Variants in MAPK8 observed in about 807,000 individuals in gnomAD.
The protein encoded by MAPK8 is mitogen-activated protein kinase 8, also known as JUN N-terminal kinase.
A neutral mutation model predicts 52.9 loss-of-function variants in MAPK8; 13 were observed. The ratio of observed to expected loss-of-function variants is 0.25; its 90% confidence interval spans 0.16 to 0.39. The LOEUF is 0.39. Ranked by LOEUF, MAPK8 falls within the 10% of genes least tolerant of loss-of-function variation. MAPK8 has a pLI of 1.00. For synonymous variants in MAPK8, 191 were observed against 169.8 expected (o/e 1.12, Z -0.97); for missense variants, 300 against 519.2 (o/e 0.58, Z 4.10).
At chr10:48,405,811 A>G (rs1340883781) in intron 3 of MAPK8, among the ~76,000 whole-genome samples, 2 of 152,230 alleles carry the variant, frequency 1.3e-5, no homozygotes, top group African/African-American at 2.4e-5. Context: ...TTCTGACTAC[A>G]GATAATACAA....
intron 1 of MAPK8, among the ~76,000 whole-genome samples, chr10:48,313,154 C>T (rs904026930): frequency 6.6e-6 from 1 of 152,146 alleles, no homozygotes; most frequent in African/African-American, 2.4e-5. Flanking sequence ...AGACATAGGC[C>T]AGGCGCGGTG....
At chr10:48,361,901 A>G (rs1251217062) in intron 1 of MAPK8, among the ~76,000 whole-genome samples, 2 of 152,226 alleles carry the variant, frequency 1.3e-5, no homozygotes, top group Non-Finnish European at 2.9e-5. Flanking sequence ...TGCAGACTGA[A>G]ATTTCTTGAG....
At chr10:48,383,930 A>C (rs1170598398) in intron 1 of MAPK8, among the ~76,000 whole-genome samples, 2 of 152,234 alleles carry the variant, frequency 1.3e-5, no homozygotes, top group African/African-American at 2.4e-5. Flanking sequence ...GCTGAAATCC[A>C]AGGAAGAAGG....
At chr10:48,315,003 C>T (rs1037929005) in intron 1 of MAPK8, among the ~76,000 whole-genome samples, 2 of 152,164 alleles carry the variant, frequency 1.3e-5, no homozygotes, top group Non-Finnish European at 2.9e-5. Context: ...AAAATTTCCA[C>T]GTGTATTTGG....
chr10:48,316,457 G>A (rs1236710248), intron 1 of MAPK8, among the ~76,000 whole-genome samples: 1 of 152,224 alleles, frequency 6.6e-6, no homozygotes, highest in Non-Finnish European at 1.5e-5. Flanking sequence ...CCGTCCTTAA[G>A]CAAGGTGTGA....
At chr10:48,345,027 G>T (rs1181651390) in intron 1 of MAPK8, among the ~76,000 whole-genome samples, 1 of 152,154 alleles carries the variant, frequency 6.6e-6, no homozygotes, top group Non-Finnish European at 1.5e-5. Context: ...GCTTGAAAAA[G>T]ATTGTGCAAT....
chr10:48,357,166 G>A (rs1348621436), intron 1 of MAPK8, among the ~76,000 whole-genome samples: 1 of 152,128 alleles, frequency 6.6e-6, no homozygotes, highest in Non-Finnish European at 1.5e-5. Flanking sequence ...CTCATTAACT[G>A]ATAGAACAAG....
At chr10:48,376,924 T>A (rs1293855186) in intron 1 of MAPK8, among the ~76,000 whole-genome samples, 5 of 152,226 alleles carry the variant, frequency 3.3e-5, no homozygotes, top group African/African-American at 1.2e-4. Flanking sequence ...ACATGTATGT[T>A]TATTGTGTCA....
intron 1 of MAPK8, among the ~76,000 whole-genome samples, chr10:48,316,368 T>C (rs141748438): frequency 3.0e-4 from 45 of 152,328 alleles, no homozygotes; most frequent in African/African-American, 1.1e-3. Flanking sequence ...TGTTGTACTA[T>C]CTAGGTTGGT....
intron 1 of MAPK8, among the ~76,000 whole-genome samples, chr10:48,379,137 TTA>T (rs2040840670): frequency 6.6e-6 from 1 of 152,204 alleles, no homozygotes; most frequent in African/African-American, 2.4e-5. Context: ...AAGCCAGGGA[TTA>T]ACCATCAGCC....
chr10:48,410,873 C>T (rs979681061), intron 5 of MAPK8, among the ~76,000 whole-genome samples: 1 of 152,142 alleles, frequency 6.6e-6, no homozygotes, highest in African/African-American at 2.4e-5. Context: ...ATCTCCCTAA[C>T]GACTAATAAT....
intron 6 of MAPK8, among the ~76,000 whole-genome samples, chr10:48,421,997 T>TTTATC (rs2043386662): frequency 7.4e-6 from 1 of 135,938 alleles, no homozygotes. Context: ...TCACACTCAT[T>TTTATC]TTATTTATCT....
In MAPK8 at chr10:48,425,876, A is replaced by G; in HGVS notation, c.689-12A>G. 4 of 1,419,178 alleles carry G rather than the reference A, an allele frequency of 2.8e-6. No individual in the cohort carries two copies. The highest frequency in any genetic ancestry group is 3.9e-6 in the Non-Finnish European group (4 of 1,029,604). The allele number at this position is 1,419,178 out of a possible 1,614,324, so 87.9% of individuals were successfully genotyped here. A position where few individuals can be genotyped will look rare whatever the true frequency, so the allele number is the denominator to read the frequency against. Reference sequence around the variant, plus strand: ...TAGTTATGGAGTATTTTTCTTAGCTACTTGATATTAGATATTGATCAGTGG... The same window carrying G: ...TAGTTATGGAGTATTTTTCTTAGCTGCTTGATATTAGATATTGATCAGTGG... On this transcript the variant is annotated splice_polypyrimidine_tract_variant and intron_variant, in intron 7 of 11. Transcript: ENST00000374189.
At chr10:48,362,212 CT>C (rs1847597708) in intron 1 of MAPK8, among the ~76,000 whole-genome samples, 1 of 152,134 alleles carries the variant, frequency 6.6e-6, no homozygotes, top group Non-Finnish European at 1.5e-5. Context: ...TATTCATTCC[CT>C]TCACCATATC....
At chr10:48,414,614 T>A in intron 5 of MAPK8, among the ~76,000 whole-genome samples, 1 of 142,042 alleles carries the variant, frequency 7.0e-6, no homozygotes, top group Non-Finnish European at 1.5e-5. Context: ...TCTCTGTCTG[T>A]CACCCAGGCA....
intron 1 of MAPK8, among the ~76,000 whole-genome samples, chr10:48,368,253 A>G (rs1221407570): frequency 1.3e-5 from 2 of 152,340 alleles, no homozygotes; most frequent in Admixed American, 6.5e-5. Context: ...TTTTAGTCCA[A>G]TGGGAAGCAC....
chr10:48,337,769 T>C (rs187285511), intron 1 of MAPK8, among the ~76,000 whole-genome samples: 1 of 152,232 alleles, frequency 6.6e-6, no homozygotes, highest in East Asian at 1.9e-4. Context: ...AAGATGTCAT[T>C]ACAGTGGATA....
chr10:48,361,557 A>T (rs914825793), intron 1 of MAPK8, among the ~76,000 whole-genome samples: 1 of 152,204 alleles, frequency 6.6e-6, no homozygotes, highest in Non-Finnish European at 1.5e-5. Flanking sequence ...ACTTTTAAAA[A>T]AGGAAATGTA....
chr10:48,388,428 C>T (rs1024586228), intron 1 of MAPK8, among the ~76,000 whole-genome samples: 2 of 152,112 alleles, frequency 1.3e-5, no homozygotes, highest in African/African-American at 4.8e-5. Flanking sequence ...GATTTGGTAT[C>T]AAGTCCTTCA....
Sources: allele counts gnomAD v4.1 joint callset (sites outside exome capture counted in the v4.1 genomes callset), GRCh38; gene constraint gnomAD v4.1.1; transcripts MANE v1.5; gene names NCBI Gene and HGNC (gene_info 2026-07-23, HGNC 2026-07-21).